HEG1: variants seen among roughly 807,000 people sequenced by gnomAD.
HEG1 encodes the protein protein HEG homolog 1.
In HEG1, 56 loss-of-function variants were observed where a neutral mutation model predicts 125.6. That is an observed-to-expected ratio of 0.45 (90% CI 0.36 to 0.56). HEG1 has a LOEUF of 0.56. Ranked by LOEUF, HEG1 falls within the 20% of genes least tolerant of loss-of-function variation. HEG1 has a pLI of 0.00. For missense variants in HEG1, 1,523 were observed against 1,670.0 expected (o/e 0.91, Z 1.53); for synonymous variants, 644 against 668.5 (o/e 0.96, Z 0.57).
At chr3:124,985,219 A>C (rs1936719381) in intron 14 of HEG1, among the ~76,000 whole-genome samples, 2 of 152,152 alleles carry the variant, frequency 1.3e-5, no homozygotes, top group African/African-American at 4.8e-5. Flanking sequence ...CCAAGGTGAC[A>C]TGGATCCTGC....
In HEG1 at chr3:125,051,367, T is replaced by A. The variant is rs1471263271; in HGVS notation, c.316+4208A>T. 2.0e-5 allele frequency among the ~76,000 whole-genome samples: 3 copies of A among 152,044 alleles called. No homozygotes were observed. The East Asian group carries it at 5.8e-4, about 29-fold the overall frequency. ...AAGACGAATGATGAGCAGGAGAGGA[T>A]CTTAGAGATCTAGGACAACTGGTAC... On this transcript the variant is annotated intron_variant, in intron 1 of 16. Coordinates refer to ENST00000311127, the MANE Select transcript of HEG1 (RefSeq NM_020733.2).
chr3:124,988,086 T>C (rs1936773683), intron 14 of HEG1, among the ~76,000 whole-genome samples: 1 of 151,702 alleles, frequency 6.6e-6, no homozygotes, highest in Admixed American at 6.6e-5. Flanking sequence ...GATTTTCTTA[T>C]CTATTTTTGT....
At chr3:125,054,009 T>C (rs1937872837) in intron 1 of HEG1, among the ~76,000 whole-genome samples, 1 of 152,268 alleles carries the variant, frequency 6.6e-6, no homozygotes, top group Admixed American at 6.5e-5. Flanking sequence ...TAAGACAGCC[T>C]GACTACTACC....
At chr3:124,980,558 C>T (rs960191860) in intron 14 of HEG1, among the ~76,000 whole-genome samples, 3 of 152,056 alleles carry the variant, frequency 2.0e-5, no homozygotes, top group African/African-American at 4.8e-5. Context: ...GCTCCATTGC[C>T]CAGGCTGGAG....
intron 12 of HEG1, among the ~76,000 whole-genome samples, chr3:124,995,054 T>C (rs1204894579): frequency 6.6e-6 from 1 of 152,126 alleles, no homozygotes; most frequent in Non-Finnish European, 1.5e-5. Flanking sequence ...ATCCTAGCAC[T>C]TTGGGAGGCC....
intron 1 of HEG1, among the ~76,000 whole-genome samples, chr3:125,048,804 G>C (rs1404283858): frequency 6.6e-6 from 1 of 152,254 alleles, no homozygotes; most frequent in African/African-American, 2.4e-5. Flanking sequence ...GAAAAGAGCA[G>C]TGGGGAGGAA....
chr3:124,997,397 C>T (rs1936937859), intron 12 of HEG1, among the ~76,000 whole-genome samples: 1 of 152,146 alleles, frequency 6.6e-6, no homozygotes, highest in South Asian at 2.1e-4. Flanking sequence ...AATAATTTTT[C>T]TAACTTCCTT....
intron 12 of HEG1, among the ~76,000 whole-genome samples, chr3:124,995,256 G>A (rs1360452529): frequency 1.3e-5 from 2 of 151,770 alleles, no homozygotes; most frequent in South Asian, 2.1e-4. Context: ...ACTTGATTGC[G>A]CCACTGCACT....
chr3:124,983,228 G>C (rs900395518), intron 14 of HEG1, among the ~76,000 whole-genome samples: 4 of 152,186 alleles, frequency 2.6e-5, no homozygotes, highest in Non-Finnish European at 4.4e-5. Flanking sequence ...ACACATTACA[G>C]AATTTTCTAG....
intron 15 of HEG1, among the ~76,000 whole-genome samples, chr3:124,976,762 G>T (rs950180475): frequency 6.6e-6 from 1 of 152,074 alleles, no homozygotes; most frequent in South Asian, 2.1e-4. Context: ...AAAGCTGGTT[G>T]TTCAAAAGAG....
intron 14 of HEG1, among the ~76,000 whole-genome samples, chr3:124,983,915 G>A (rs1936695777): frequency 6.6e-6 from 1 of 152,120 alleles, no homozygotes; most frequent in Middle Eastern, 3.2e-3. Flanking sequence ...GCCTTACCCC[G>A]TTTGAAGTGA....
chr3:125,039,037 C>T (rs1317658304), intron 1 of HEG1, among the ~76,000 whole-genome samples: 1 of 152,228 alleles, frequency 6.6e-6, no homozygotes. Context: ...GGAGATTAGA[C>T]ATCCCATTTC....
chr3:124,974,577 C>A (rs930336134), intron 15 of HEG1, among the ~76,000 whole-genome samples: 7 of 152,164 alleles, frequency 4.6e-5, no homozygotes, highest in Admixed American at 3.9e-4. Context: ...TATTTATACA[C>A]CTGTACAAAT....
At chr3:124,981,965 C>T (rs1006588104) in intron 14 of HEG1, among the ~76,000 whole-genome samples, 15 of 151,744 alleles carry the variant, frequency 9.9e-5, no homozygotes, top group African/African-American at 3.4e-4. Context: ...TGCAGTGGCA[C>T]GATCTTGGCT....
At chr3:124,981,872 C>G (rs1405519004) in intron 14 of HEG1, among the ~76,000 whole-genome samples, 1 of 152,082 alleles carries the variant, frequency 6.6e-6, no homozygotes, top group Non-Finnish European at 1.5e-5. Context: ...ACACACACCC[C>G]TCCCTGAAAT....
chr3:125,013,176 C>T lies in HEG1; in HGVS notation c.2403G>A (p.Leu801=). ...TESKSPSLVS[L]PTESTKAVTT... Reference sequence around the variant, plus strand: ...TTACAGCTTTGGTGGACTCTGTGGGCAGAGACACCAGGCTTGGTGACTTTG... The same window carrying T: ...TTACAGCTTTGGTGGACTCTGTGGGTAGAGACACCAGGCTTGGTGACTTTG... The change falls in exon 6 of 17, where the codon CTG becomes CTA. Residue 801 remains leucine (L), a synonymous_variant. Coordinates refer to ENST00000311127, the MANE Select transcript of HEG1 (RefSeq NM_020733.2). 2 of 1,613,980 alleles carry T rather than the reference C, an allele frequency of 1.2e-6. No homozygotes were observed. Among genetic ancestry groups the T allele is most frequent in the Non-Finnish European group, 1.7e-6 (2 of 1,179,884 alleles).
At chr3:125,054,381 A>T (rs1171165188) in intron 1 of HEG1, among the ~76,000 whole-genome samples, 1 of 152,260 alleles carries the variant, frequency 6.6e-6, no homozygotes, top group East Asian at 1.9e-4. Flanking sequence ...AATACTGTTG[A>T]ATATGAAATT....
chr3:125,005,031 G>A (rs1266043212), intron 9 of HEG1, among the ~76,000 whole-genome samples: 1 of 152,178 alleles, frequency 6.6e-6, no homozygotes, highest in Non-Finnish European at 1.5e-5. Context: ...GAAACACAAA[G>A]GTGCAGATAA....
chr3:124,975,906 A>G (rs775532773), intron 15 of HEG1, among the ~76,000 whole-genome samples: 20 of 152,176 alleles, frequency 1.3e-4, no homozygotes, highest in Admixed American at 3.3e-4. Context: ...AATATATCAC[A>G]TTTTGTTTAT....
Sources: gnomAD v4.1 joint callset for allele counts (sites outside exome capture counted in the v4.1 genomes callset) on GRCh38, gnomAD v4.1.1 for gene constraint, MANE v1.5 for transcripts, NCBI Gene and HGNC (gene_info 2026-07-23, HGNC 2026-07-21) for gene names.